The following ZBTB7C variants were observed in gnomAD, a reference collection of about 807,000 sequenced individuals.
The protein encoded by ZBTB7C is zinc finger and BTB domain-containing protein 7C.
A neutral mutation model predicts 25.7 loss-of-function variants in ZBTB7C; 8 were observed. The observed-to-expected ratio is 0.31, with a 90% CI of 0.18 to 0.56. The LOEUF (loss-of-function observed/expected upper bound fraction) is 0.56, where lower values mean the gene tolerates loss of function less well. ZBTB7C is among the 20% of genes least tolerant of loss of function. The pLI, the probability that ZBTB7C is intolerant of heterozygous loss-of-function variation, is 0.91. For missense variants in ZBTB7C, 824 were observed against 855.2 expected (o/e 0.96, Z 0.46); for synonymous variants, 394 against 369.0 (o/e 1.07, Z -0.78).
intron 2 of ZBTB7C, among the ~76,000 whole-genome samples, chr18:48,312,728 C>T (rs1004180269): frequency 1.1e-4 from 16 of 152,206 alleles, no homozygotes; most frequent in Admixed American, 9.8e-4. Context: ...CGGGTCATGT[C>T]ACATGCTGTG....
chr18:48,114,273 C>T (rs2039346771), intron 3 of ZBTB7C, among the ~76,000 whole-genome samples: 2 of 152,146 alleles, frequency 1.3e-5, no homozygotes. Context: ...ACCCAGCAAT[C>T]CCACTCTCGG....
chr18:48,056,868 T>C (rs2036932689), intron 3 of ZBTB7C, among the ~76,000 whole-genome samples: 1 of 152,030 alleles, frequency 6.6e-6, no homozygotes, highest in Admixed American at 6.5e-5. Flanking sequence ...AAAGATTTGT[T>C]AAATTTGACT....
At chr18:48,278,896 G>T (rs1006316342) in intron 2 of ZBTB7C, among the ~76,000 whole-genome samples, 6 of 151,348 alleles carry the variant, frequency 4.0e-5, no homozygotes, top group East Asian at 1.9e-4. Context: ...CAATGGGTTT[G>T]TGTTTTGATT....
At chr18:48,044,522 G>T (rs546629745) in intron 3 of ZBTB7C, among the ~76,000 whole-genome samples, 1 of 152,370 alleles carries the variant, frequency 6.6e-6, no homozygotes, top group Admixed American at 6.5e-5. Context: ...GGGCAGCTGG[G>T]CTGGGGGCCA....
rs1236322408 is a variant in ZBTB7C at position 48,409,378 on chromosome 18, G to T, written c.-456C>A. On this transcript the variant is annotated 5_prime_UTR_variant, in exon 1 of 5. Coordinates refer to ENST00000590800, the MANE Select transcript of ZBTB7C (RefSeq NM_001318841.2). ...AGTCTCGTGGCGGGGCTGCGCCGGCGGGTATGGAGCTGAGCGGCGGCAGCG... is the reference window on the plus strand; with the variant it reads ...AGTCTCGTGGCGGGGCTGCGCCGGCTGGTATGGAGCTGAGCGGCGGCAGCG... 6.8e-6 allele frequency: 1 copy of T among 147,878 alleles called. No homozygotes were observed. Among genetic ancestry groups the T allele is most frequent in the Admixed American group, 6.7e-5 (1 of 14,958 alleles). The allele number at this position is 147,878 out of a possible 1,614,324, so 9.2% of individuals were successfully genotyped here. A position where few individuals can be genotyped will look rare whatever the true frequency, so the allele number is the denominator to read the frequency against.
At chr18:48,284,752 C>T (rs186097853) in intron 2 of ZBTB7C, among the ~76,000 whole-genome samples, 2 of 142,838 alleles carry the variant, frequency 1.4e-5, no homozygotes, top group African/African-American at 2.7e-5. Context: ...GATCGTACCA[C>T]AGCACTCCAG....
chr18:48,299,290 C>G (rs1026825869), intron 2 of ZBTB7C, among the ~76,000 whole-genome samples: 2 of 152,226 alleles, frequency 1.3e-5, no homozygotes, highest in African/African-American at 4.8e-5. Context: ...GAGGGCCATG[C>G]TGTCCTCACA....
chr18:48,091,545 C>T lies in ZBTB7C; in HGVS notation c.-16-50422G>A, dbSNP rs185427012. ...TACAGGCAGCTCATGGTTATTGTAT[C>T]GGACAGCTCATGACTGTAAGCATTT... On this transcript the variant is annotated intron_variant, in intron 3 of 4. Coordinates refer to ENST00000590800, the MANE Select transcript of ZBTB7C (RefSeq NM_001318841.2). 1.9e-4 allele frequency among the ~76,000 whole-genome samples: 29 copies of T among 152,216 alleles called. No homozygotes were observed. The East Asian group carries it at 4.4e-3, about 23-fold the overall frequency.
At position 48,340,912 on chromosome 18, in the gene ZBTB7C, G is replaced by A. The variant is rs80075137; in HGVS notation, c.-303-2514C>T. 6.0e-4 allele frequency among the ~76,000 whole-genome samples: 92 copies of A among 152,302 alleles called. 1 individual carries two copies. In the East Asian group the frequency reaches 0.017, roughly 27 times the overall value. ...GGATCTCACCACCCTGGGTGATCTCGCCATTCTTTGACCTCTGCACTCTGT... is the reference window on the plus strand; with the variant it reads ...GGATCTCACCACCCTGGGTGATCTCACCATTCTTTGACCTCTGCACTCTGT... On this transcript the variant is annotated intron_variant, in intron 1 of 4. Transcript: ENST00000590800.
chr18:48,054,321 G>A (rs2036824402), intron 3 of ZBTB7C, among the ~76,000 whole-genome samples: 1 of 152,190 alleles, frequency 6.6e-6, no homozygotes, highest in African/African-American at 2.4e-5. Context: ...CCTGACCCAG[G>A]AAGCCGCTCT....
intron 2 of ZBTB7C, among the ~76,000 whole-genome samples, chr18:48,195,433 T>C (rs992128707): frequency 2.0e-5 from 3 of 152,034 alleles, no homozygotes; most frequent in South Asian, 4.2e-4. Context: ...TAAAGGGGAG[T>C]TCCCCTGCAC....
intron 2 of ZBTB7C, among the ~76,000 whole-genome samples, chr18:48,320,974 A>G (rs1012050193): frequency 2.0e-5 from 3 of 152,248 alleles, no homozygotes; most frequent in African/African-American, 7.2e-5. Flanking sequence ...ATAGGCCTCA[A>G]TGTGGCCAGA....
intron 1 of ZBTB7C, among the ~76,000 whole-genome samples, chr18:48,355,127 G>A (rs2046948249): frequency 6.6e-6 from 1 of 152,200 alleles, no homozygotes; most frequent in Non-Finnish European, 1.5e-5. Flanking sequence ...AGTGCATTCA[G>A]GTTAGTTACT....
chr18:48,061,243 A>G (rs913718339), intron 3 of ZBTB7C, among the ~76,000 whole-genome samples: 1 of 152,214 alleles, frequency 6.6e-6, no homozygotes, highest in South Asian at 2.1e-4. Context: ...CCTGAAACAG[A>G]CAAGAGTAGG....
intron 3 of ZBTB7C, among the ~76,000 whole-genome samples, chr18:48,175,603 T>A (rs2041647049): frequency 6.6e-6 from 1 of 152,196 alleles, no homozygotes; most frequent in African/African-American, 2.4e-5. Flanking sequence ...GGTGCAAATA[T>A]ACCCAGCAAC....
intron 3 of ZBTB7C, chr18:48,147,859 C>T (rs2144869093): frequency 6.6e-6 from 1 of 152,294 alleles, no homozygotes; most frequent in Admixed American, 6.5e-5. Context: ...GGTGATCCAC[C>T]CACCTCGGCC....
At chr18:48,216,426 T>G (rs1599120310) in intron 2 of ZBTB7C, among the ~76,000 whole-genome samples, 1 of 152,188 alleles carries the variant, frequency 6.6e-6, no homozygotes, top group Non-Finnish European at 1.5e-5. Flanking sequence ...TGCATAACCT[T>G]GCAGAATCAC....
chr18:48,292,130 G>A (rs942247728), intron 2 of ZBTB7C, among the ~76,000 whole-genome samples: 10 of 152,114 alleles, frequency 6.6e-5, no homozygotes, highest in East Asian at 1.9e-4. Context: ...CCTGGGAGGC[G>A]GAGGTTGCAG....
At chr18:48,264,419 G>A (rs2044254446) in intron 2 of ZBTB7C, among the ~76,000 whole-genome samples, 1 of 152,178 alleles carries the variant, frequency 6.6e-6, no homozygotes, top group Non-Finnish European at 1.5e-5. Context: ...CCTCACAGAT[G>A]CAGCTAGGCT....
Sources: allele counts gnomAD v4.1 joint callset (sites outside exome capture counted in the v4.1 genomes callset), GRCh38; gene constraint gnomAD v4.1.1; transcripts MANE v1.5; gene names NCBI Gene and HGNC (gene_info 2026-07-23, HGNC 2026-07-21).